The following FGD6 variants were observed in gnomAD, a reference collection of about 807,000 sequenced individuals.
The protein encoded by FGD6 is FYVE, RhoGEF and PH domain containing 6, also known as FYVE, RhoGEF and PH domain-containing protein 6.
In FGD6, 90 loss-of-function variants were observed where a neutral mutation model predicts 149.4. The observed-to-expected ratio is 0.60, with a 90% CI of 0.51 to 0.72. The LOEUF is 0.72. Ranked by LOEUF, FGD6 falls within the 30% of genes least tolerant of loss-of-function variation. The pLI, the probability that FGD6 is intolerant of heterozygous loss-of-function variation, is 0.00. For synonymous variants in FGD6, 527 were observed against 584.0 expected (o/e 0.90, Z 1.41); for missense variants, 1,437 against 1,684.8 (o/e 0.85, Z 2.57).
In FGD6 at chr12:95,107,597, G is replaced by C. The variant is rs1165675549; in HGVS notation, c.3299C>G (p.Ser1100Cys). Residue 1100 changes from serine (S) to cysteine (C), a missense_variant, in exon 12 of 21, where the codon TCT becomes TGT. By Grantham distance (112) the Ser-to-Cys change is moderately radical (BLOSUM62 -1). This residue lies in a region of FGD6 where 382 missense variants were observed against 538.7 expected (regional missense o/e 0.71). Transcript: ENST00000343958. Reference protein sequence around the residue: ...FLKEGILMKLSRKVMQPRMFF... With the variant: ...FLKEGILMKLCRKVMQPRMFF... ...CATTCGAGGTTGCATCACTTTCCGA[G>C]ACAGCTTCATCAGAATTCCTTCTTT... 6.2e-7 allele frequency: 1 copy of C among 1,613,934 alleles called. No homozygotes were observed. Among genetic ancestry groups the C allele is most frequent in the East Asian group, 2.2e-5 (1 of 44,894 alleles).
chr12:95,096,894 A>T (rs1000900264), intron 14 of FGD6, among the ~76,000 whole-genome samples: 1 of 152,184 alleles, frequency 6.6e-6, no homozygotes, highest in Non-Finnish European at 1.5e-5. Flanking sequence ...ACATTCATAA[A>T]ACATTACCAT....
intron 9 of FGD6, among the ~76,000 whole-genome samples, chr12:95,113,129 C>T (rs1157235422): frequency 6.6e-6 from 1 of 152,050 alleles, no homozygotes; most frequent in African/African-American, 2.4e-5. Context: ...GGCCATGGGT[C>T]TCCCCTGCCC....
chr12:95,089,078 A>G (rs956851813), intron 18 of FGD6, among the ~76,000 whole-genome samples: 4 of 152,234 alleles, frequency 2.6e-5, no homozygotes, highest in African/African-American at 9.6e-5. Flanking sequence ...TCTGTGGATT[A>G]CACCATTAGC....
intron 7 of FGD6, 95 bp downstream of exon 7, chr12:95,137,427 G>T: frequency 8.7e-7 from 1 of 1,150,714 alleles, no homozygotes; most frequent in Admixed American, 2.9e-5. Context: ...CTTTTTCTTT[G>T]TTTGCAAGCT....
intron 3 of FGD6, among the ~76,000 whole-genome samples, chr12:95,166,629 G>A (rs1183561065): frequency 2.0e-5 from 3 of 152,178 alleles, no homozygotes; most frequent in South Asian, 2.1e-4. Context: ...CTTGAGTCAA[G>A]GAGGTTGAAG....
Position 95,211,250 on chromosome 12 carries a change from C to CT in FGD6, c.33dup (p.Val12SerfsTer12). On this transcript the variant is annotated frameshift_variant, in exon 2 of 21. Coordinates refer to ENST00000343958, the MANE Select transcript of FGD6 (RefSeq NM_018351.4). LOFTEE classifies it high-confidence loss of function. ...ACAACAAACTTGGGCTTGGGGGCCA[C>CT]TGGTGGCTTCTTTATCTCTAGAAAG... 5 of 1,575,984 alleles carry CT rather than the reference C, an allele frequency of 3.2e-6. No homozygotes were observed. Among genetic ancestry groups the CT allele is most frequent in the Non-Finnish European group, 4.3e-6 (5 of 1,168,140 alleles).
At chr12:95,215,521 T>C (rs532214505) in intron 1 of FGD6, among the ~76,000 whole-genome samples, 47 of 152,338 alleles carry the variant, frequency 3.1e-4, no homozygotes, top group Admixed American at 1.3e-3. Context: ...GAAAGAATTA[T>C]GATAAATCCA....
chr12:95,168,238 T>C (rs902387849), intron 3 of FGD6, among the ~76,000 whole-genome samples: 1 of 152,182 alleles, frequency 6.6e-6, no homozygotes, highest in Non-Finnish European at 1.5e-5. Context: ...AATACTACCT[T>C]ACATGTAAAT....
At chr12:95,172,048 T>TGGGG (rs1881009388) in intron 3 of FGD6, among the ~76,000 whole-genome samples, 1 of 115,000 alleles carries the variant, frequency 8.7e-6, no homozygotes, top group Non-Finnish European at 1.8e-5. Flanking sequence ...GGGGGGGGGT[T>TGGGG]GTTATCAAAA....
intron 18 of FGD6, among the ~76,000 whole-genome samples, chr12:95,087,463 A>G (rs1877917879): frequency 6.6e-6 from 1 of 152,194 alleles, no homozygotes; most frequent in Non-Finnish European, 1.5e-5. Flanking sequence ...CAATGTTGAG[A>G]GGTCCACATG....
intron 5 of FGD6, among the ~76,000 whole-genome samples, chr12:95,151,930 T>A (rs1173097818): frequency 6.6e-6 from 1 of 152,184 alleles, no homozygotes; most frequent in Non-Finnish European, 1.5e-5. Context: ...TGTCAATGCA[T>A]AATGAAACTT....
intron 15 of FGD6, among the ~76,000 whole-genome samples, chr12:95,093,273 C>T (rs1878126857): frequency 6.6e-6 from 1 of 152,112 alleles, no homozygotes; most frequent in South Asian, 2.1e-4. Context: ...ATTGGCTGGG[C>T]ATGGTGGCTC....
chr12:95,127,044 C>A (rs1683693838), intron 8 of FGD6, among the ~76,000 whole-genome samples: 1 of 152,006 alleles, frequency 6.6e-6, no homozygotes, highest in African/African-American at 2.4e-5. Context: ...GTTGGAACTA[C>A]CTTATATCAG....
intron 3 of FGD6, among the ~76,000 whole-genome samples, chr12:95,159,194 C>T (rs1253857887): frequency 6.6e-6 from 1 of 152,180 alleles, no homozygotes; most frequent in Non-Finnish European, 1.5e-5. Flanking sequence ...TAGGTCTCTA[C>T]TCTGTAACTT....
At chr12:95,129,117 A>G (rs530772601) in intron 8 of FGD6, among the ~76,000 whole-genome samples, 1 of 152,338 alleles carries the variant, frequency 6.6e-6, no homozygotes, top group Non-Finnish European at 1.5e-5. Flanking sequence ...GGAGCCTAAC[A>G]GAGAAATAGA....
intron 8 of FGD6, among the ~76,000 whole-genome samples, chr12:95,128,885 G>A (rs774796155): frequency 4.6e-5 from 7 of 152,202 alleles, no homozygotes; most frequent in Admixed American, 1.3e-4. Context: ...ACTATAGCTA[G>A]ACTAAAGGAA....
intron 2 of FGD6, among the ~76,000 whole-genome samples, chr12:95,174,447 G>A (rs1384081668): frequency 1.3e-5 from 2 of 152,132 alleles, no homozygotes; most frequent in Non-Finnish European, 2.9e-5. Context: ...AAGCTCCTCA[G>A]AAAACACACG....
At chr12:95,175,297 C>T (rs28707791) in intron 2 of FGD6, among the ~76,000 whole-genome samples, 254 of 152,278 alleles carry the variant, frequency 1.7e-3, no homozygotes, top group Middle Eastern at 6.8e-3. Flanking sequence ...TGAATCCTCA[C>T]CATACAGCCC....
In FGD6 at chr12:95,081,445, T is replaced by G. The variant is rs1877668286; in HGVS notation, c.*75A>C. On this transcript the variant is annotated 3_prime_UTR_variant, in exon 21 of 21. Coordinates refer to ENST00000343958, the MANE Select transcript of FGD6 (RefSeq NM_018351.4). ...CTTGGCAGTGTTCATTTTTATACAA[T>G]TTTTGAATTGCATTTACTCCATTCT... 1.4e-5 allele frequency: 18 copies of G among 1,310,966 alleles called. No homozygotes were observed. The highest frequency in any genetic ancestry group is 2.1e-5 in the Admixed American group (1 of 47,954). 81.2% of individuals were successfully genotyped at this position (1,310,966 alleles called of 1,614,324 possible).
Sources: gnomAD v4.1 joint callset for allele counts (sites outside exome capture counted in the v4.1 genomes callset) on GRCh38, gnomAD v4.1.1 for gene constraint, gnomAD v4.1.1 regional missense constraint, MANE v1.5 for transcripts, NCBI Gene and HGNC (gene_info 2026-07-23, HGNC 2026-07-21) for gene names.